CACNA1D: variants seen among roughly 807,000 people sequenced by gnomAD.
The protein encoded by CACNA1D is calcium voltage-gated channel subunit alpha1 D.
CACNA1D carries 55 observed loss-of-function variants against 257.1 expected under a neutral mutation model. The ratio of observed to expected loss-of-function variants is 0.21; its 90% CI spans 0.17 to 0.27. CACNA1D has a LOEUF of 0.27. Ranked by LOEUF, CACNA1D falls within the 10% of genes least tolerant of loss-of-function variation. CACNA1D has a pLI of 1.00. For missense variants in CACNA1D, 1,876 were observed against 2,784.0 expected (o/e 0.67, Z 7.34); for synonymous variants, 980 against 1,014.9 (o/e 0.97, Z 0.65).
chr3:53,595,679 T>G (rs3774468), intron 3 of CACNA1D, among the ~76,000 whole-genome samples: 50,548 of 152,026 alleles, frequency 0.33, 8,752 homozygotes, highest in Non-Finnish European at 0.39. Flanking sequence ...TACTGACACC[T>G]GCCTGACCTA....
At chr3:53,731,366 A>G (rs1057007923) in intron 17 of CACNA1D, among the ~76,000 whole-genome samples, 5 of 152,228 alleles carry the variant, frequency 3.3e-5, no homozygotes, top group African/African-American at 4.8e-5. Context: ...GAAAACCAAT[A>G]TGATAAAGAA....
chr3:53,674,172 C>T, intron 8 of CACNA1D: 1 of 393,494 alleles, frequency 2.5e-6, no homozygotes, highest in South Asian at 2.3e-5. Flanking sequence ...TAGTACATAA[C>T]TCCTTGTCGT....
chr3:53,662,886 A>G (rs58036565), intron 5 of CACNA1D, among the ~76,000 whole-genome samples: 1 of 152,192 alleles, frequency 6.6e-6, no homozygotes, highest in Non-Finnish European at 1.5e-5. Flanking sequence ...GCTGGGGGTT[A>G]GTTTTGCATG....
At chr3:53,625,903 T>G (rs950524984) in intron 3 of CACNA1D, among the ~76,000 whole-genome samples, 1 of 152,068 alleles carries the variant, frequency 6.6e-6, no homozygotes, top group Non-Finnish European at 1.5e-5. Context: ...TCCATGGAGG[T>G]CATGTGGTCC....
chr3:53,782,943 A>G (rs1221384974), intron 39 of CACNA1D: 4 of 152,280 alleles, frequency 2.6e-5, no homozygotes, highest in Middle Eastern at 6.8e-3. Context: ...AATTGTAACA[A>G]TGTGCTTGAG....
At chr3:53,727,311 G>A (rs1042729567) in intron 15 of CACNA1D, among the ~76,000 whole-genome samples, 9 of 152,302 alleles carry the variant, frequency 5.9e-5, no homozygotes, top group South Asian at 2.1e-4. Context: ...TACAGGTCCC[G>A]AGGGATGGCT....
intron 43 of CACNA1D, 60 bp from the exon 44 acceptor site, chr3:53,803,363 G>A: frequency 1.2e-6 from 2 of 1,602,734 alleles, no homozygotes. Flanking sequence ...CAGAGGTGCA[G>A]CTGCAGCAGG....
intron 9 of CACNA1D, among the ~76,000 whole-genome samples, chr3:53,703,282 C>T (rs1283917757): frequency 6.6e-6 from 1 of 152,222 alleles, no homozygotes; most frequent in Non-Finnish European, 1.5e-5. Flanking sequence ...AAGCCATATG[C>T]TTAGCCCATC....
At chr3:53,733,934 G>GTGTGTGTGTGTGTT (rs2095027265) in intron 19 of CACNA1D, among the ~76,000 whole-genome samples, 2 of 132,426 alleles carry the variant, frequency 1.5e-5, no homozygotes, top group Non-Finnish European at 3.2e-5. Context: ...GTGTGTTTGT[G>GTGTGTGTGTGTGTT]TGTGTGTGTG....
At chr3:53,683,571 C>T (rs749070812) in intron 8 of CACNA1D, among the ~76,000 whole-genome samples, 3 of 151,990 alleles carry the variant, frequency 2.0e-5, no homozygotes, top group Admixed American at 1.3e-4. Flanking sequence ...AAAATATTCA[C>T]GATCAAGGAG....
intron 40 of CACNA1D, among the ~76,000 whole-genome samples, chr3:53,799,370 C>T (rs537410752): frequency 2.0e-5 from 3 of 152,286 alleles, no homozygotes; most frequent in African/African-American, 7.2e-5. Context: ...CTAATGAAGT[C>T]ATGAACAATG....
At chr3:53,672,268 A>T (rs1474293043) in intron 7 of CACNA1D, among the ~76,000 whole-genome samples, 2 of 152,202 alleles carry the variant, frequency 1.3e-5, no homozygotes, top group African/African-American at 4.8e-5. Flanking sequence ...AAGTGTGGAG[A>T]ATAAGGGCTG....
At position 53,749,335 on chromosome 3, in the gene CACNA1D, A is replaced by G. The variant is rs757651307; in HGVS notation, c.3382A>G (p.Ile1128Val). 1 of 1,613,660 alleles carries G rather than the reference A, an allele frequency of 6.2e-7. No homozygotes were observed. The highest frequency in any genetic ancestry group is 2.2e-5 in the East Asian group (1 of 44,880). Reference sequence around the variant, plus strand: ...CCCAATCTACAACCACCGCGTGGAGATCTCCATCTTCTTCATCATCTACAT... The same window carrying G: ...CCCAATCTACAACCACCGCGTGGAGGTCTCCATCTTCTTCATCATCTACAT... The part of the protein sequence containing the change: ...IGPIYNHRVE[I>V]SIFFIIYIII... The change falls in exon 27 of 48, where the codon ATC becomes GTC. Residue 1128 changes from isoleucine to valine, a missense_variant. Ile to Val is a conservative substitution (Grantham distance 29, BLOSUM62 3). This residue lies in a region of CACNA1D where 271 missense variants were observed against 425.5 expected (regional missense o/e 0.64). Transcript: ENST00000350061.
intron 3 of CACNA1D, among the ~76,000 whole-genome samples, chr3:53,508,473 C>T (rs1361596741): frequency 6.6e-6 from 1 of 152,130 alleles, no homozygotes; most frequent in East Asian, 1.9e-4. Context: ...CCTCTCTCTT[C>T]CCCCACCACC....
chr3:53,593,236 T>G (rs2093329942), intron 3 of CACNA1D, among the ~76,000 whole-genome samples: 1 of 152,196 alleles, frequency 6.6e-6, no homozygotes, highest in Non-Finnish European at 1.5e-5. Context: ...TTATAAAATC[T>G]GATGGCCACG....
intron 3 of CACNA1D, among the ~76,000 whole-genome samples, chr3:53,585,392 G>A (rs1419295287): frequency 6.6e-6 from 1 of 152,120 alleles, no homozygotes; most frequent in Non-Finnish European, 1.5e-5. Flanking sequence ...CCTATTTACA[G>A]TTAGAAGAAT....
chr3:53,596,413 T>G (rs2093370862), intron 3 of CACNA1D, among the ~76,000 whole-genome samples: 1 of 152,230 alleles, frequency 6.6e-6, no homozygotes, highest in African/African-American at 2.4e-5. Flanking sequence ...ACTTACCGAC[T>G]GTGTCATTTT....
chr3:53,784,255 T>C (rs1211688527), intron 39 of CACNA1D, among the ~76,000 whole-genome samples: 1 of 152,210 alleles, frequency 6.6e-6, no homozygotes, highest in African/African-American at 2.4e-5. Context: ...TTTCCCTTCA[T>C]TTCAGAAGCT....
intron 7 of CACNA1D, among the ~76,000 whole-genome samples, chr3:53,669,382 T>A (rs2094300958): frequency 6.6e-6 from 1 of 152,258 alleles, no homozygotes; most frequent in Non-Finnish European, 1.5e-5. Context: ...TTAGTGTAGA[T>A]GTGCCATGTT....
Sources: gnomAD v4.1 joint callset for allele counts (sites outside exome capture counted in the v4.1 genomes callset) on GRCh38, gnomAD v4.1.1 for gene constraint, gnomAD v4.1.1 regional missense constraint, MANE v1.5 for transcripts, NCBI Gene and HGNC (gene_info 2026-07-23, HGNC 2026-07-21) for gene names.